Variants in AKAP13 observed in about 807,000 individuals in gnomAD.
AKAP13 encodes A-kinase anchor protein 13.
In AKAP13, 80 loss-of-function variants were observed where a neutral mutation model predicts 264.5. The ratio of observed to expected loss-of-function variants is 0.30; its 90% CI spans 0.25 to 0.36. AKAP13 has a LOEUF of 0.36. Among genes scored for constraint, AKAP13 ranks in the 10% least tolerant of loss-of-function variants. The pLI, the probability that AKAP13 is intolerant of heterozygous loss-of-function variation, is 1.00. For missense variants in AKAP13, 3,712 were observed against 3,435.2 expected (o/e 1.08, Z -2.01); for synonymous variants, 1,380 against 1,250.2 (o/e 1.10, Z -2.19).
Position 85,448,915 on chromosome 15 carries a change from AT to A in AKAP13, c.-11-36786del, listed in dbSNP as rs1052570974. On this transcript the variant is annotated intron_variant, in intron 1 of 36. Transcript: ENST00000394518. ...CCTCAGGTTCCATATAATTAAAAAAATTTTTTTTTCTAGTTCTGTGAAGAAT... is the reference window on the plus strand; with the variant it reads ...CCTCAGGTTCCATATAATTAAAAAAATTTTTTTTCTAGTTCTGTGAAGAAT... 7.3e-5 allele frequency among the ~76,000 whole-genome samples: 11 copies of A among 150,024 alleles called. No homozygotes were observed. The East Asian group carries it at 1.2e-3, about 16-fold the overall frequency.
At chr15:85,475,780 A>G (rs2075140357) in intron 1 of AKAP13, among the ~76,000 whole-genome samples, 1 of 152,204 alleles carries the variant, frequency 6.6e-6, no homozygotes, top group African/African-American at 2.4e-5. Context: ...TGATTTTTGT[A>G]CTTATAGCTA....
chr15:85,396,183 T>C lies in AKAP13; in HGVS notation c.-12+15385T>C, dbSNP rs554675057. Reference sequence around the variant, plus strand: ...TTTGGTCAGTTTAAAGCATTCCTTTTGGGGAAAGAGAAGACATCATGTTAA... The same window carrying C: ...TTTGGTCAGTTTAAAGCATTCCTTTCGGGGAAAGAGAAGACATCATGTTAA... On this transcript the variant is annotated intron_variant, in intron 1 of 36. Transcript: ENST00000394518. Among the ~76,000 whole-genome samples, 31 of 152,256 alleles carry C rather than the reference T, an allele frequency of 2.0e-4. No individual in the cohort carries two copies. In the South Asian group the frequency reaches 5.2e-3, roughly 25 times the overall value.
At chr15:85,528,927 A>C (rs1314719218) in intron 3 of AKAP13, among the ~76,000 whole-genome samples, 2 of 152,196 alleles carry the variant, frequency 1.3e-5, no homozygotes, top group Admixed American at 1.3e-4. Context: ...TTTTTAAAAA[A>C]AGATTGGGAT....
Position 85,736,700 on chromosome 15 carries a change from T to G in AKAP13, c.7557+566T>G, listed in dbSNP as rs543668284. Among the ~76,000 whole-genome samples, 26 of 152,176 alleles carry G rather than the reference T, an allele frequency of 1.7e-4. No individual in the cohort carries two copies. In the South Asian group the frequency reaches 2.7e-3, roughly 16 times the overall value. On this transcript the variant is annotated intron_variant, in intron 33 of 36. Transcript: ENST00000394518. ...GACATAAGCCATCTTATCCAGCGCT[T>G]CTTGCTTTTAATGAGCTTTCTCTAA...
Position 85,727,570 on chromosome 15 carries a change from C to T in AKAP13, c.7087+107C>T, listed in dbSNP as rs2087690871. 3.2e-6 allele frequency: 4 copies of T among 1,234,152 alleles called. No homozygotes were observed. Among genetic ancestry groups the T allele is most frequent in the Non-Finnish European group, 4.6e-6 (4 of 868,822 alleles). 76.5% of individuals were successfully genotyped at this position (1,234,152 alleles called of 1,614,324 possible). On this transcript the variant is annotated intron_variant, in intron 29 of 36. Coordinates refer to ENST00000394518, the MANE Select transcript of AKAP13 (RefSeq NM_007200.5). This position sits in a 1 kb window ranked among gnomAD's most constrained non-coding sequence, Gnocchi z 5.3. ...GGTTTGCCCTCAGTTCTAAAGCTGC[C>T]CCAGCAGGCACTTGAAAGCAGCAAA...
chr15:85,715,643 C>T, intron 19 of AKAP13, 145 bp from the exon 20 acceptor site: 2 of 1,063,356 alleles, frequency 1.9e-6, no homozygotes, highest in South Asian at 3.9e-5. Flanking sequence ...TTAGTGTCCT[C>T]TCCTCCATGG....
intron 33 of AKAP13, 51 bp downstream of exon 33, chr15:85,736,185 A>C (rs748309667): frequency 1.4e-6 from 2 of 1,450,638 alleles, no homozygotes; most frequent in South Asian, 2.5e-5. Flanking sequence ...TGTCATTGTC[A>C]AGTTAGGAAT....
chr15:85,383,335 T>C (rs2070389026), intron 1 of AKAP13, among the ~76,000 whole-genome samples: 1 of 152,226 alleles, frequency 6.6e-6, no homozygotes, highest in South Asian at 2.1e-4. Flanking sequence ...ATTGACTAGT[T>C]GCATAGCCTC....
intron 5 of AKAP13, among the ~76,000 whole-genome samples, chr15:85,557,451 T>G (rs982245046): frequency 1.3e-5 from 2 of 152,352 alleles, no homozygotes; most frequent in Admixed American, 1.3e-4. Context: ...GAGCTTCTTT[T>G]GTTGTCGTTT....
chr15:85,460,297 A>T (rs2074457670), intron 1 of AKAP13, among the ~76,000 whole-genome samples: 1 of 152,124 alleles, frequency 6.6e-6, no homozygotes, highest in Admixed American at 6.5e-5. Context: ...GTGCATATGC[A>T]TTTGTACAGG....
At chr15:85,695,319 G>C (rs940360386) in intron 17 of AKAP13, among the ~76,000 whole-genome samples, 45 of 152,162 alleles carry the variant, frequency 3.0e-4, no homozygotes, top group African/African-American at 9.9e-4. Context: ...CAGGAGAATT[G>C]CTTGAACTTG....
intron 17 of AKAP13, among the ~76,000 whole-genome samples, chr15:85,701,694 C>T (rs1335729784): frequency 2.0e-5 from 3 of 151,794 alleles, no homozygotes; most frequent in Non-Finnish European, 2.9e-5. Flanking sequence ...CCACCCTCCT[C>T]AGGCTCCCAA....
At chr15:85,687,484 C>G (rs971570273) in intron 16 of AKAP13, among the ~76,000 whole-genome samples, 3 of 152,150 alleles carry the variant, frequency 2.0e-5, no homozygotes, top group African/African-American at 4.8e-5. Context: ...GTCAAAATGA[C>G]AACACTTTTT....
At chr15:85,420,194 G>A (rs1345051866) in intron 1 of AKAP13, among the ~76,000 whole-genome samples, 1 of 151,838 alleles carries the variant, frequency 6.6e-6, no homozygotes, top group Non-Finnish European at 1.5e-5. Flanking sequence ...GCCCGCCTCG[G>A]CCTCCCAAAG....
At chr15:85,605,611 G>T (rs1341490456) in intron 8 of AKAP13, among the ~76,000 whole-genome samples, 2 of 152,158 alleles carry the variant, frequency 1.3e-5, no homozygotes, top group Non-Finnish European at 2.9e-5. Context: ...CCCGAGTCAT[G>T]CACATGTAGC....
At chr15:85,568,911 G>A (rs1335842841) in intron 5 of AKAP13, among the ~76,000 whole-genome samples, 1 of 152,128 alleles carries the variant, frequency 6.6e-6, no homozygotes, top group Non-Finnish European at 1.5e-5. Flanking sequence ...TAGGGTAATT[G>A]CCCCATAACA....
intron 5 of AKAP13, among the ~76,000 whole-genome samples, chr15:85,545,123 T>C (rs2151217236): frequency 6.6e-6 from 1 of 152,332 alleles, no homozygotes; most frequent in East Asian, 1.9e-4. Flanking sequence ...CAAATGAGCT[T>C]TGGATACCTG....
chr15:85,548,978 A>G (rs1290437937), intron 5 of AKAP13, among the ~76,000 whole-genome samples: 2 of 151,980 alleles, frequency 1.3e-5, no homozygotes, highest in African/African-American at 2.4e-5. Context: ...GAAATAAACA[A>G]TTCATGTAGA....
intron 2 of AKAP13, among the ~76,000 whole-genome samples, chr15:85,520,261 T>G (rs911882180): frequency 1.3e-5 from 2 of 152,012 alleles, no homozygotes; most frequent in African/African-American, 2.4e-5. Flanking sequence ...TTTGGGAGGC[T>G]GAGACGGGTG....
Sources: gnomAD v4.1 joint callset for allele counts (sites outside exome capture counted in the v4.1 genomes callset) on GRCh38, gnomAD v4.1.1 for gene constraint, Gnocchi (gnomAD v3.1) non-coding constraint, MANE v1.5 for transcripts, NCBI Gene and HGNC (gene_info 2026-07-23, HGNC 2026-07-21) for gene names.